The following WRN variants were observed in gnomAD, a reference collection of about 807,000 sequenced individuals.
WRN encodes bifunctional 3'-5' exonuclease/ATP-dependent helicase WRN.
A neutral mutation model predicts 180.7 loss-of-function variants in WRN; 149 were observed. The ratio of observed to expected loss-of-function variants is 0.82; its 90% CI spans 0.72 to 0.94. The LOEUF (loss-of-function observed/expected upper bound fraction) is 0.94. Among genes scored for constraint, WRN ranks in the 40% least tolerant of loss-of-function variants. WRN has a pLI of 0.00. For missense variants in WRN, 1,661 were observed against 1,700.1 expected (o/e 0.98, Z 0.40); for synonymous variants, 548 against 568.9 (o/e 0.96, Z 0.52).
chr8:31,061,228 C>T (rs1812473098), intron 3 of WRN, among the ~76,000 whole-genome samples: 1 of 151,940 alleles, frequency 6.6e-6, no homozygotes, highest in Non-Finnish European at 1.5e-5. Flanking sequence ...TTCAAGTTCA[C>T]TTATATTTTT....
chr8:31,130,150 G>A (rs751560799), intron 23 of WRN, among the ~76,000 whole-genome samples: 11 of 145,030 alleles, frequency 7.6e-5, no homozygotes, highest in Admixed American at 2.1e-4. Flanking sequence ...TAACGAGACC[G>A]CATCTCTACA....
At chr8:31,158,619 G>C (rs978572536) in intron 33 of WRN, among the ~76,000 whole-genome samples, 9 of 152,142 alleles carry the variant, frequency 5.9e-5, no homozygotes, top group African/African-American at 2.2e-4. Flanking sequence ...TGAACAACTT[G>C]TGAACAATTC....
chr8:31,047,138 AT>A (rs549940818), intron 1 of WRN, among the ~76,000 whole-genome samples: 30,284 of 115,252 alleles, frequency 0.26, 2,615 homozygotes, highest in East Asian at 0.3. Context: ...GGCAATGCTG[AT>A]TTTTTTTTTT....
chr8:31,049,167 C>T (rs1317913958), intron 1 of WRN, among the ~76,000 whole-genome samples: 12 of 133,288 alleles, frequency 9.0e-5, no homozygotes, highest in African/African-American at 1.8e-4. Context: ...GCCGAGATCA[C>T]GCCATTGCAC....
At chr8:31,081,406 T>C in intron 9 of WRN, 110 bp downstream of exon 9, 1 of 1,128,038 alleles carries the variant, frequency 8.9e-7, no homozygotes, top group African/African-American at 1.6e-5. Context: ...ACATACAGTC[T>C]CTGTTGCAGT....
Position 31,158,391 on chromosome 8 carries a change from T to A in WRN, c.3982+861T>A, listed in dbSNP as rs916812967. On this transcript the variant is annotated intron_variant, in intron 33 of 34. Transcript: ENST00000298139. Reference sequence around the variant, plus strand: ...CCTTTGCTTGCCCTGTAGAAATATTTTAAATTATTATCCTTTTTTTTTTTA... The same window carrying A: ...CCTTTGCTTGCCCTGTAGAAATATTATAAATTATTATCCTTTTTTTTTTTA... Among the ~76,000 whole-genome samples the A allele has an allele frequency of 9.9e-5, 14 of 141,150 alleles. No homozygotes were observed. In the South Asian group the frequency reaches 3.1e-3, roughly 31 times the overall value. 92.6% of individuals were successfully genotyped at this position (141,150 alleles called of 152,430 possible). A position where few individuals can be genotyped will look rare whatever the true frequency, so the allele number is the denominator to read the frequency against.
chr8:31,157,487 G>C lies in WRN; in HGVS notation c.3939G>C (p.Gln1313His). The C allele has an allele frequency of 6.2e-7, 1 of 1,614,126 alleles. No homozygotes were observed. Among genetic ancestry groups the C allele is most frequent in the Middle Eastern group, 1.6e-4 (1 of 6,062 alleles). ...LERAGLTPEV[Q>H]KIIADVIRNP... ...GAGCAGGCCTGACTCCAGAGGTTCA[G>C]AAGATTATTGCTGATGTTATCCGAA... Residue 1313 changes from glutamine (Q) to histidine (H), a missense_variant, in exon 33 of 35, where the codon CAG becomes CAC. Gln to His is a conservative substitution (Grantham distance 24, BLOSUM62 0). Coordinates refer to ENST00000298139, the MANE Select transcript of WRN (RefSeq NM_000553.6).
rs750730139 is a variant in WRN, at chr8:31,167,209, A to G, written c.4170A>G (p.Glu1390=). Residue 1390 remains glutamate, a synonymous_variant, in exon 34 of 35, where the codon GAA becomes GAG. Transcript: ENST00000298139. ...EICSSSKRSK[E]EVGINTETSS... ...GTTCAAGTTCTAAGAGAAGCAAGGA[A>G]GAAGTAGGCATCAATACTGAGGTAT... The G allele has an allele frequency of 1.2e-6, 2 of 1,613,100 alleles. No individual in the cohort carries two copies. The highest frequency in any genetic ancestry group is 1.7e-6 in the Non-Finnish European group (2 of 1,179,306).
chr8:31,154,876 C>T, intron 32 of WRN, 121 bp downstream of exon 32: 1 of 1,250,064 alleles, frequency 8.0e-7, no homozygotes, highest in Non-Finnish European at 1.1e-6. Context: ...CAATAAATCT[C>T]AGTTTATCTT....
intron 24 of WRN, 74 bp downstream of exon 24, chr8:31,132,580 G>A (rs944603886): frequency 8.7e-6 from 14 of 1,602,948 alleles, no homozygotes; most frequent in Non-Finnish European, 9.4e-6. Context: ...GAGGTTTGCA[G>A]TATTATGATT....
Position 31,174,289 on chromosome 8 carries a change from C to G in WRN, c.*1187C>G, listed in dbSNP as rs983872456. Among the ~76,000 whole-genome samples the G allele has an allele frequency of 6.6e-6, 1 of 152,176 alleles. No homozygotes were observed. The highest frequency in any genetic ancestry group is 1.5e-5 in the Non-Finnish European group (1 of 68,024). On this transcript the variant is annotated 3_prime_UTR_variant, in exon 35 of 35. Transcript: ENST00000298139. ...GCATCTGCAATACCCTGTGAATATC[C>G]TGTGTGATGGAGTGGCAAGTACGCA...
At position 31,094,536 on chromosome 8, in the gene WRN, G is replaced by A. The variant is rs550740706; in HGVS notation, c.1899-2232G>A. ...AATTTGTTTTATTTTGAGTGGAGAT[G>A]AGATTTTGCTATGTTGCCCAGGTTG... On this transcript the variant is annotated intron_variant, in intron 16 of 34. Coordinates refer to ENST00000298139, the MANE Select transcript of WRN (RefSeq NM_000553.6). 2.0e-5 allele frequency among the ~76,000 whole-genome samples: 3 copies of A among 152,000 alleles called. No homozygotes were observed. In the South Asian group the frequency reaches 6.3e-4, roughly 32 times the overall value.
At chr8:31,095,959 T>A (rs1813950491) in intron 16 of WRN, among the ~76,000 whole-genome samples, 1 of 152,222 alleles carries the variant, frequency 6.6e-6, no homozygotes, top group Non-Finnish European at 1.5e-5. Context: ...ATCGAAACAA[T>A]TAGCTGTCTT....
chr8:31,116,511 G>T lies in WRN; in HGVS notation c.2431G>T (p.Val811Leu), dbSNP rs1563361058. ...AAGGAAAGACATTCATCATAGGTTTGTAAGAGATGAAATTCAGGTATGAGG... is the reference window on the plus strand; with the variant it reads ...AAGGAAAGACATTCATCATAGGTTTTTAAGAGATGAAATTCAGGTATGAGG... ...STRKDIHHRF[V>L]RDEIQCVIAT... The change falls in exon 20 of 35, where the codon GTA (valine) becomes TTA (leucine). Residue 811 changes from valine to leucine, a missense_variant. Physicochemically the swap from Val to Leu is conservative, Grantham distance 32 (BLOSUM62 1). Transcript: ENST00000298139. The T allele has an allele frequency of 2.5e-6, 4 of 1,613,896 alleles. No homozygotes were observed. The highest frequency in any genetic ancestry group is 2.5e-6 in the Non-Finnish European group (3 of 1,179,880).
intron 18 of WRN, among the ~76,000 whole-genome samples, chr8:31,101,726 G>A (rs759754426): frequency 6.2e-5 from 9 of 145,064 alleles, no homozygotes; most frequent in Non-Finnish European, 1.2e-4. Context: ...GGTGGAGGTT[G>A]CAGTGAGCCG....
At chr8:31,106,586 T>G (rs1801105685) in intron 18 of WRN, among the ~76,000 whole-genome samples, 1 of 151,986 alleles carries the variant, frequency 6.6e-6, no homozygotes, top group Non-Finnish European at 1.5e-5. Context: ...TGAATACGTT[T>G]CCCCCACATT....
intron 1 of WRN, among the ~76,000 whole-genome samples, chr8:31,056,242 A>T (rs771428717): frequency 1.3e-5 from 2 of 152,158 alleles, no homozygotes; most frequent in South Asian, 4.1e-4. Context: ...GTTTTCTGGC[A>T]TTTTGCCAAT....
intron 23 of WRN, among the ~76,000 whole-genome samples, chr8:31,126,692 A>G (rs1020735131): frequency 1.3e-5 from 2 of 152,236 alleles, no homozygotes; most frequent in African/African-American, 2.4e-5. Flanking sequence ...CCTGGGTGAC[A>G]GAGTGAGACC....
intron 9 of WRN, 29 bp from the exon 10 acceptor site, chr8:31,083,670 G>A (rs1321715282): frequency 1.3e-6 from 2 of 1,582,876 alleles, no homozygotes; most frequent in Non-Finnish European, 1.7e-6. Flanking sequence ...AATTATATTG[G>A]AAATTAATGC....
Sources: gnomAD v4.1 joint callset for allele counts (sites outside exome capture counted in the v4.1 genomes callset) on GRCh38, gnomAD v4.1.1 for gene constraint, MANE v1.5 for transcripts, NCBI Gene and HGNC (gene_info 2026-07-23, HGNC 2026-07-21) for gene names.